Variants in NEBL observed in about 807,000 individuals in gnomAD.
The protein encoded by NEBL is LIM and SH3 protein 2.
NEBL carries 122 observed loss-of-function variants against 140.2 expected under a neutral mutation model. That is an observed-to-expected ratio of 0.87 (90% CI 0.75 to 1.01). NEBL has a LOEUF of 1.01. Among genes scored for constraint, NEBL ranks in the 50% least tolerant of loss-of-function variants. The pLI is 0.00. For synonymous variants in NEBL, 436 were observed against 398.9 expected, an observed-to-expected ratio of 1.09 and a Z score of -1.11; for missense variants, 1,365 against 1,231.3, an observed-to-expected ratio of 1.11 and a Z score of -1.62.
At chr10:20,855,634 G>A (rs931472231) in intron 9 of NEBL, among the ~76,000 whole-genome samples, 3 of 151,968 alleles carry the variant, frequency 2.0e-5, no homozygotes, top group African/African-American at 2.4e-5. Context: ...GGAGATACAC[G>A]GAGTAACACA....
intron 2 of NEBL, among the ~76,000 whole-genome samples, chr10:21,115,947 T>C (rs1374745243): frequency 2.6e-5 from 4 of 152,244 alleles, no homozygotes; most frequent in African/African-American, 7.2e-5. Context: ...CTTTTTAGTC[T>C]TCTTTTTTCA....
rs577791022 is a variant in NEBL, at chr10:21,075,989, G to GCA, written c.165-55790_165-55789dup. 2.6e-3 allele frequency among the ~76,000 whole-genome samples: 393 copies of GCA among 152,186 alleles called. 2 individuals are homozygous for GCA. The highest frequency in any genetic ancestry group is 2.2e-3 in the Non-Finnish European group (153 of 68,016). On this transcript the variant is annotated intron_variant, in intron 2 of 6. Coordinates refer to the NEBL transcript ENST00000417816. ...ATCAAAACCACAATGAGATACGACT[G>GCA]CACACACATTACGATGGTCATGATT...
intron 2 of NEBL, among the ~76,000 whole-genome samples, chr10:21,143,978 A>G (rs12255274): frequency 0.02 from 3,030 of 152,334 alleles, 40 homozygotes; most frequent in African/African-American, 0.043. Context: ...AGAAATGATG[A>G]TTATTCGAAT....
At chr10:21,141,993 G>A (rs1375153776) in intron 2 of NEBL, among the ~76,000 whole-genome samples, 1 of 152,128 alleles carries the variant, frequency 6.6e-6, no homozygotes, top group Non-Finnish European at 1.5e-5. Context: ...TAGAAGACAG[G>A]CCCTGCCCCT....
Position 21,258,062 on chromosome 10 carries a change from C to T in NEBL, n.183-6234G>A, listed in dbSNP as rs1222436906. ...TTGTTTGGAAGATGATTCCGGGAAA[C>T]AGGAGTGAGAAAGCAGGGAGACTGA... On this transcript the variant is annotated intron_variant and non_coding_transcript_variant, in intron 1 of 8. Coordinates refer to the NEBL transcript ENST00000675702. Among the ~76,000 whole-genome samples, 4 of 152,198 alleles carry T rather than the reference C, an allele frequency of 2.6e-5. No homozygotes were observed. In the East Asian group the frequency reaches 7.7e-4, roughly 29 times the overall value.
rs1264592935 is a variant in NEBL, at chr10:21,247,279, A to G, written n.348+642T>C. ...GTACAACGGAATACTATTCAGCAATAAAATGGAACAGACTATTGATACAAC... is the reference window on the plus strand; with the variant it reads ...GTACAACGGAATACTATTCAGCAATGAAATGGAACAGACTATTGATACAAC... On this transcript the variant is annotated intron_variant and non_coding_transcript_variant, in intron 3 of 8. Transcript: ENST00000675702. 5.3e-5 allele frequency among the ~76,000 whole-genome samples: 8 copies of G among 152,364 alleles called. No homozygotes were observed. The East Asian group carries it at 1.5e-3, about 29-fold the overall frequency.
chr10:20,791,714 A>G (rs919343827), intron 26 of NEBL, among the ~76,000 whole-genome samples: 3 of 152,166 alleles, frequency 2.0e-5, no homozygotes, highest in African/African-American at 7.2e-5. Context: ...TAAGAGGCTC[A>G]CCAAATCTGA....
intron 3 of NEBL, among the ~76,000 whole-genome samples, chr10:20,976,631 G>A (rs369343968): frequency 2.6e-5 from 4 of 152,176 alleles, no homozygotes; most frequent in African/African-American, 9.6e-5. Flanking sequence ...CACATGGATC[G>A]AGCTAGAGGC....
intron 3 of NEBL, among the ~76,000 whole-genome samples, chr10:21,000,893 A>C (rs560631230): frequency 6.6e-6 from 1 of 152,298 alleles, no homozygotes; most frequent in South Asian, 2.1e-4. Flanking sequence ...AGGAAGGGCC[A>C]CATTGGGATT....
intron 3 of NEBL, among the ~76,000 whole-genome samples, chr10:21,004,850 G>T (rs1838063334): frequency 6.6e-6 from 1 of 152,224 alleles, no homozygotes; most frequent in Non-Finnish European, 1.5e-5. Flanking sequence ...ATACAGGTAG[G>T]CAGGAAAAGA....
chr10:20,793,896 T>C (rs1334259085), intron 26 of NEBL, among the ~76,000 whole-genome samples: 1 of 152,184 alleles, frequency 6.6e-6, no homozygotes, highest in South Asian at 2.1e-4. Flanking sequence ...AATGCGGACC[T>C]ACCGAACTGG....
intron 3 of NEBL, 22 bp downstream of exon 3, chr10:20,889,823 T>G: frequency 7.0e-7 from 1 of 1,424,744 alleles, no homozygotes; most frequent in Non-Finnish European, 9.9e-7. Flanking sequence ...GCAAGCCAGT[T>G]TGCAAGCTTT....
chr10:21,290,637 G>C (rs185003165), intron 1 of NEBL, among the ~76,000 whole-genome samples: 1 of 152,258 alleles, frequency 6.6e-6, no homozygotes, highest in African/African-American at 2.4e-5. Context: ...ATTATTAGGA[G>C]ATTTTATCTA....
At chr10:20,870,169 A>G (rs1403826737) in intron 5 of NEBL, among the ~76,000 whole-genome samples, 1 of 151,922 alleles carries the variant, frequency 6.6e-6, no homozygotes, top group East Asian at 1.9e-4. Flanking sequence ...TCTACTAAAA[A>G]TACAAAAATT....
chr10:21,110,183 T>C (rs1837928346), intron 2 of NEBL, among the ~76,000 whole-genome samples: 1 of 152,162 alleles, frequency 6.6e-6, no homozygotes, highest in Non-Finnish European at 1.5e-5. Flanking sequence ...AGAATCAAGG[T>C]CATGCTGGCC....
chr10:20,918,539 G>A (rs1279252379), intron 4 of NEBL, among the ~76,000 whole-genome samples: 1 of 151,990 alleles, frequency 6.6e-6, no homozygotes, highest in Non-Finnish European at 1.5e-5. Context: ...GTGCACTTAA[G>A]TAAGTACATA....
intron 2 of NEBL, among the ~76,000 whole-genome samples, chr10:20,894,527 G>T (rs1847279882): frequency 6.6e-6 from 1 of 151,312 alleles, no homozygotes; most frequent in Non-Finnish European, 1.5e-5. Context: ...GAAAAGAAGA[G>T]AAAAAGGAAA....
chr10:20,829,907 C>T (rs1169680508), intron 16 of NEBL, among the ~76,000 whole-genome samples: 2 of 152,138 alleles, frequency 1.3e-5, no homozygotes, highest in African/African-American at 4.8e-5. Flanking sequence ...CAAATGGGTG[C>T]TCAGGAGGTA....
In NEBL at chr10:21,240,550, G is replaced by A. The variant is rs1188345189; in HGVS notation, n.348+7371C>T. Among the ~76,000 whole-genome samples, 4 of 151,978 alleles carry A rather than the reference G, an allele frequency of 2.6e-5. No individual in the cohort carries two copies. The East Asian group carries it at 7.8e-4, about 29-fold the overall frequency. On this transcript the variant is annotated intron_variant and non_coding_transcript_variant, in intron 3 of 8. Coordinates refer to the NEBL transcript ENST00000675702. ...CCCAGCTACTTGGGAGGCTGGGGCA[G>A]GAGAATTGCTTAAACCCAAAATCGC... is the stretch of plus-strand genomic sequence containing the variant.
Sources: gnomAD v4.1 joint callset for allele counts (sites outside exome capture counted in the v4.1 genomes callset) on GRCh38, gnomAD v4.1.1 for gene constraint, MANE v1.5 for transcripts, NCBI Gene and HGNC (gene_info 2026-07-23, HGNC 2026-07-21) for gene names.